The following PTDSS1 variants were observed in gnomAD, a reference collection of about 807,000 sequenced individuals.
PTDSS1 encodes phosphatidylserine synthase 1, also known as PSS-1.
A neutral mutation model predicts 70.5 loss-of-function variants in PTDSS1; 45 were observed. That is an observed-to-expected ratio of 0.64 (90% confidence interval 0.50 to 0.82). The LOEUF (loss-of-function observed/expected upper bound fraction) is 0.82. PTDSS1 is among the 40% of genes least tolerant of loss of function. The pLI, the probability that PTDSS1 is intolerant of heterozygous loss-of-function variation, is 0.00. For missense variants in PTDSS1, 417 were observed against 586.1 expected, an observed-to-expected ratio of 0.71 and a Z score of 2.98; for synonymous variants, 188 against 203.8, an observed-to-expected ratio of 0.92 and a Z score of 0.66.
Position 96,299,990 on chromosome 8 carries a change from C to A in PTDSS1, c.752+145C>A, listed in dbSNP as rs148193783. On this transcript the variant is annotated intron_variant, in intron 6 of 12. Transcript: ENST00000517309. ...CTGAAACTCATAAATGATTATAAAC[C>A]TGATTTCAAGCATTTGTCCAGAAAA... is the stretch of plus-strand genomic sequence containing the variant. 88 of 1,128,134 alleles carry A rather than the reference C, an allele frequency of 7.8e-5. 1 individual carries two copies. The highest frequency in any genetic ancestry group is 9.8e-5 in the Non-Finnish European group (81 of 827,134). The allele number at this position is 1,128,134 out of a possible 1,614,324, so 69.9% of individuals were successfully genotyped here.
intron 7 of PTDSS1, among the ~76,000 whole-genome samples, chr8:96,304,593 T>G (rs938828): frequency 0.4 from 61,489 of 152,064 alleles, 12,605 homozygotes; most frequent in Non-Finnish European, 0.42. Flanking sequence ...ACCACTTTGG[T>G]TAATCTGTAG....
intron 6 of PTDSS1, among the ~76,000 whole-genome samples, chr8:96,303,542 C>T (rs1586198884): frequency 6.6e-6 from 1 of 152,186 alleles, no homozygotes; most frequent in Non-Finnish European, 1.5e-5. Context: ...TGCACCCACT[C>T]CTCATGCTGA....
chr8:96,281,030 C>T (rs956711981), intron 2 of PTDSS1, among the ~76,000 whole-genome samples: 8 of 152,220 alleles, frequency 5.3e-5, no homozygotes, highest in East Asian at 1.9e-4. Flanking sequence ...CTGTGGAATG[C>T]GGGGCTCCTC....
At position 96,330,325 on chromosome 8, in the gene PTDSS1, C is replaced by A. The variant is rs1430628288; in HGVS notation, c.1242+44C>A. On this transcript the variant is annotated intron_variant, in intron 11 of 12. Transcript: ENST00000517309. ...GCATGGCCATTGTTTAAAATAATCA[C>A]CCCGGGCTCGGCAAATTCGCTCAGA... 5 of 1,562,790 alleles carry A rather than the reference C, an allele frequency of 3.2e-6. No homozygotes were observed. In the African/African-American group the frequency reaches 6.8e-5, roughly 21 times the overall value.
At chr8:96,266,420 T>TC (rs1283927759) in intron 1 of PTDSS1, among the ~76,000 whole-genome samples, 1 of 152,210 alleles carries the variant, frequency 6.6e-6, no homozygotes, top group African/African-American at 2.4e-5. Context: ...TTACTTAATT[T>TC]CCCTTATTGG....
chr8:96,280,389 G>A (rs1249287604), intron 2 of PTDSS1, among the ~76,000 whole-genome samples: 2 of 152,102 alleles, frequency 1.3e-5, no homozygotes, highest in Non-Finnish European at 2.9e-5. Flanking sequence ...GGGCGTGGTG[G>A]CACATGCCTG....
intron 10 of PTDSS1, among the ~76,000 whole-genome samples, chr8:96,322,527 A>G (rs781472449): frequency 6.6e-6 from 1 of 152,134 alleles, no homozygotes; most frequent in African/African-American, 2.4e-5. Flanking sequence ...CACTCCTGCA[A>G]TAATAGCATC....
chr8:96,303,953 T>G, intron 6 of PTDSS1, 87 bp from the exon 7 acceptor site: 1 of 1,351,696 alleles, frequency 7.4e-7, no homozygotes, highest in Non-Finnish European at 1.0e-6. Flanking sequence ...ATTATAAAAA[T>G]CATCAGTGCA....
In PTDSS1 at chr8:96,261,907, T is replaced by A. The variant is rs920103984; in HGVS notation, c.-134T>A. 5 of 967,158 alleles carry A rather than the reference T, an allele frequency of 5.2e-6. No individual in the cohort carries two copies. In the African/African-American group the frequency reaches 8.5e-5, roughly 16 times the overall value. The allele number at this position is 967,158 out of a possible 1,614,324, so 59.9% of individuals were successfully genotyped here. A position where few individuals can be genotyped will look rare whatever the true frequency, so the allele number is the denominator to read the frequency against. ...GCCCTCTCGCGCCTGTCCTTCCCTCTGCTCCCAGCCTTTGCTGGGCGCCAG... is the reference window on the plus strand; with the variant it reads ...GCCCTCTCGCGCCTGTCCTTCCCTCAGCTCCCAGCCTTTGCTGGGCGCCAG... On this transcript the variant is annotated 5_prime_UTR_variant, in exon 1 of 13. Coordinates refer to ENST00000517309, the MANE Select transcript of PTDSS1 (RefSeq NM_014754.3).
chr8:96,287,731 A>G (rs538011978), intron 4 of PTDSS1, among the ~76,000 whole-genome samples: 1 of 152,030 alleles, frequency 6.6e-6, no homozygotes, highest in Non-Finnish European at 1.5e-5. Flanking sequence ...TTCATTTGTT[A>G]CTATTATTTT....
In PTDSS1 at chr8:96,261,984, G is replaced by A; in HGVS notation, c.-57G>A. The A allele has an allele frequency of 1.3e-6, 2 of 1,554,390 alleles. No individual in the cohort carries two copies. Among genetic ancestry groups the A allele is most frequent in the South Asian group, 1.2e-5 (1 of 85,080 alleles). On this transcript the variant is annotated 5_prime_UTR_variant, in exon 1 of 13. Coordinates refer to ENST00000517309, the MANE Select transcript of PTDSS1 (RefSeq NM_014754.3). ...CCTACTGTGGCTAGTCACCCCCGGG[G>A]TCCCGGCCTTCTCGGGCTGGGGCCG...
rs1299902167 is a variant in PTDSS1, at chr8:96,320,142, C to A, written c.1074-104C>A. 6 of 974,980 alleles carry A rather than the reference C, an allele frequency of 6.2e-6. No individual in the cohort carries two copies. In the Admixed American group the frequency reaches 7.9e-5, roughly 13 times the overall value. The allele number at this position is 974,980 out of a possible 1,614,324, so 60.4% of individuals were successfully genotyped here. On this transcript the variant is annotated intron_variant, in intron 9 of 12. Transcript: ENST00000517309. ...TGCTACCAGTGTTTGAGGCAGAAATCGCATGATGAGTTGAACTTTTTCATT... is the reference window on the plus strand; with the variant it reads ...TGCTACCAGTGTTTGAGGCAGAAATAGCATGATGAGTTGAACTTTTTCATT...
intron 4 of PTDSS1, among the ~76,000 whole-genome samples, chr8:96,293,322 G>A (rs1001630753): frequency 1.1e-4 from 17 of 152,362 alleles, no homozygotes; most frequent in African/African-American, 4.1e-4. Context: ...AATAGGACTT[G>A]GTATTTGGTT....
chr8:96,315,799 C>T (rs1480782159), intron 9 of PTDSS1, among the ~76,000 whole-genome samples: 1 of 152,170 alleles, frequency 6.6e-6, no homozygotes, highest in Non-Finnish European at 1.5e-5. Flanking sequence ...GACTGAATTC[C>T]ATTAAGCCAC....
At chr8:96,304,691 G>A (rs1811098926) in intron 7 of PTDSS1, among the ~76,000 whole-genome samples, 1 of 152,186 alleles carries the variant, frequency 6.6e-6, no homozygotes, top group East Asian at 1.9e-4. Context: ...ATTTCCAAGT[G>A]GCCCACTTCA....
At chr8:96,279,573 CTTTGGGAGGCCAAGGTGGGTGGA>C (rs1231309414) in intron 2 of PTDSS1, among the ~76,000 whole-genome samples, 13 of 151,724 alleles carry the variant, frequency 8.6e-5, no homozygotes, top group African/African-American at 3.1e-4. Flanking sequence ...AATCCCAGCA[CTTTGGGAGGCCAAGGTGGGTGGA>C]TCACTTGAGG....
intron 4 of PTDSS1, among the ~76,000 whole-genome samples, chr8:96,288,048 C>T (rs1810848835): frequency 6.6e-6 from 1 of 152,188 alleles, no homozygotes; most frequent in Non-Finnish European, 1.5e-5. Context: ...CAGGGGTTCC[C>T]ACAATATCCT....
intron 2 of PTDSS1, among the ~76,000 whole-genome samples, chr8:96,282,334 A>G (rs1810750564): frequency 6.6e-6 from 1 of 152,184 alleles, no homozygotes; most frequent in Admixed American, 6.5e-5. Flanking sequence ...GTGTCACATT[A>G]CCTGGCGGGG....
chr8:96,267,819 G>A (rs1369432308), intron 1 of PTDSS1, among the ~76,000 whole-genome samples: 4 of 152,004 alleles, frequency 2.6e-5, no homozygotes, highest in South Asian at 2.1e-4. Context: ...AGCAGGCCCC[G>A]GCAGCTCACG....
Sources: gnomAD v4.1 joint callset for allele counts (sites outside exome capture counted in the v4.1 genomes callset) on GRCh38, gnomAD v4.1.1 for gene constraint, MANE v1.5 for transcripts, NCBI Gene and HGNC (gene_info 2026-07-23, HGNC 2026-07-21) for gene names.